Variants in YEATS4 observed in about 807,000 individuals in gnomAD.
The protein encoded by YEATS4 is YEATS domain containing 4.
In YEATS4, 17 loss-of-function variants were observed where a neutral mutation model predicts 30.1. The ratio of observed to expected loss-of-function variants is 0.56; its 90% CI spans 0.39 to 0.85. The LOEUF (loss-of-function observed/expected upper bound fraction) is 0.85. Among genes scored for constraint, YEATS4 ranks in the 40% least tolerant of loss-of-function variants. YEATS4 has a pLI of 0.00. For synonymous variants in YEATS4, 85 were observed against 87.5 expected, an observed-to-expected ratio of 0.97 and a Z score of 0.16; for missense variants, 142 against 268.3, an observed-to-expected ratio of 0.53 and a Z score of 3.29.
At chr12:69,401,684 A>G in the YEATS4 span, among the ~76,000 whole-genome samples, 1 of 152,222 alleles carries the variant, frequency 6.6e-6, no homozygotes, top group African/African-American at 2.4e-5. Context: ...CTGGAAATTA[A>G]AAGTAAATTT....
chr12:69,369,536 G>A (rs1875564282), intron 4 of YEATS4, among the ~76,000 whole-genome samples: 2 of 152,178 alleles, frequency 1.3e-5, no homozygotes, highest in Admixed American at 6.5e-5. Flanking sequence ...ATACTTGCCA[G>A]TTCTGAGCTT....
intron 2 of YEATS4, among the ~76,000 whole-genome samples, chr12:69,364,780 G>C (rs781045357): frequency 2.6e-5 from 4 of 151,952 alleles, no homozygotes; most frequent in Non-Finnish European, 4.4e-5. Flanking sequence ...CACCATGCTT[G>C]GCTAATTTTT....
intron 2 of YEATS4, 80 bp from the exon 3 acceptor site, chr12:69,365,553 C>A: frequency 3.2e-6 from 3 of 933,002 alleles, no homozygotes; most frequent in South Asian, 1.7e-5. Context: ...TTTTATAAAA[C>A]TAAGTATATA....
intron 6 of YEATS4, among the ~76,000 whole-genome samples, chr12:69,371,494 G>A (rs523278): frequency 6.6e-6 from 1 of 152,066 alleles, no homozygotes; most frequent in Admixed American, 6.5e-5. Flanking sequence ...AATTCTGTAC[G>A]CATTAATCTG....
the YEATS4 span, among the ~76,000 whole-genome samples, chr12:69,396,159 T>C: frequency 6.6e-6 from 1 of 152,238 alleles, no homozygotes; most frequent in African/African-American, 2.4e-5. Context: ...CATTGCTCTT[T>C]AGTAATTCCT....
At chr12:69,384,450 A>G (rs933122342) in intron 6 of YEATS4, among the ~76,000 whole-genome samples, 5 of 152,164 alleles carry the variant, frequency 3.3e-5, no homozygotes, top group Admixed American at 2.6e-4. Context: ...TTTCTGTGTG[A>G]TCTTTAGTTC....
intron 6 of YEATS4, among the ~76,000 whole-genome samples, chr12:69,379,709 G>T (rs1876000858): frequency 6.7e-6 from 1 of 148,542 alleles, no homozygotes; most frequent in Non-Finnish European, 1.5e-5. Flanking sequence ...CCAAAGTGCT[G>T]GGATCATAGG....
the YEATS4 span, among the ~76,000 whole-genome samples, chr12:69,408,843 C>T: frequency 6.6e-6 from 1 of 152,140 alleles, no homozygotes; most frequent in Non-Finnish European, 1.5e-5. Flanking sequence ...GTGTCAGGGG[C>T]CTTTTCCTGT....
rs983910804 is a variant in YEATS4, at chr12:69,374,412, T to C, written c.514+3437T>C. On this transcript the variant is annotated intron_variant, in intron 6 of 6. Coordinates refer to ENST00000247843, the MANE Select transcript of YEATS4 (RefSeq NM_006530.4). ...ATGAGATTACTTTCTTTTTTTTTATTTAATTTTTTAGTATTTATTGATCAT... is the reference window on the plus strand; with the variant it reads ...ATGAGATTACTTTCTTTTTTTTTATCTAATTTTTTAGTATTTATTGATCAT... 5.9e-5 allele frequency among the ~76,000 whole-genome samples: 9 copies of C among 152,312 alleles called. No individual in the cohort carries two copies. The East Asian group carries it at 1.5e-3, about 26-fold the overall frequency.
downstream of YEATS4, among the ~76,000 whole-genome samples, chr12:69,392,733 C>CTAT (rs1868325391): frequency 6.6e-6 from 1 of 152,150 alleles, no homozygotes; most frequent in Non-Finnish European, 1.5e-5. Context: ...GATTAAGGAA[C>CTAT]TATAGCTTGG....
At chr12:69,392,562 A>G (rs1000249939), downstream of YEATS4, among the ~76,000 whole-genome samples, 6 of 152,248 alleles carry the variant, frequency 3.9e-5, no homozygotes, top group Non-Finnish European at 8.8e-5. Context: ...TGGAAAGAGA[A>G]TATTTCCCAA....
In YEATS4 at chr12:69,369,709, ATAATT is replaced by A. The variant is rs1359116561; in HGVS notation, c.334-995_334-991del. Among the ~76,000 whole-genome samples, 12 of 152,326 alleles carry A rather than the reference ATAATT, an allele frequency of 7.9e-5. 1 individual carries two copies. In the East Asian group the frequency reaches 2.3e-3, roughly 29 times the overall value. On this transcript the variant is annotated intron_variant, in intron 4 of 6. Coordinates refer to ENST00000247843, the MANE Select transcript of YEATS4 (RefSeq NM_006530.4). ...AAATTTGTTAAATTATTTGCTTTAA[ATAATT>A]TGATATGTAATTCATGCTCTCTTAT...
At chr12:69,414,966 T>C in the YEATS4 span, among the ~76,000 whole-genome samples, 597 of 152,308 alleles carry the variant, frequency 3.9e-3, 3 homozygotes, top group African/African-American at 0.013. Flanking sequence ...CAATGTATTA[T>C]AGAGACTGGG....
At chr12:69,391,847 T>G (rs1030616863), downstream of YEATS4, among the ~76,000 whole-genome samples, 1 of 152,212 alleles carries the variant, frequency 6.6e-6, no homozygotes, top group African/African-American at 2.4e-5. Context: ...CAATCATTAT[T>G]CTAGTCAGCT....
intron 4 of YEATS4, among the ~76,000 whole-genome samples, chr12:69,368,600 G>A (rs1276951789): frequency 1.3e-5 from 2 of 152,092 alleles, no homozygotes; most frequent in Non-Finnish European, 2.9e-5. Flanking sequence ...TTAGTTTTCT[G>A]GTACCATAAA....
At chr12:69,416,491 T>A in the YEATS4 span, among the ~76,000 whole-genome samples, 2 of 152,080 alleles carry the variant, frequency 1.3e-5, no homozygotes, top group Non-Finnish European at 2.9e-5. Context: ...CAGAATGGTG[T>A]TTCTAAATGG....
chr12:69,390,104 CAT>C (rs752759379), intron 6 of YEATS4, 41 bp from the exon 7 acceptor site: 41 of 1,485,380 alleles, frequency 2.8e-5, no homozygotes, highest in Middle Eastern at 2.4e-4. Flanking sequence ...ATATCTTAAA[CAT>C]GTGAGAAAAA....
chr12:69,392,024 A>G (rs1244985929), downstream of YEATS4, among the ~76,000 whole-genome samples: 2 of 152,136 alleles, frequency 1.3e-5, no homozygotes, highest in African/African-American at 4.8e-5. Flanking sequence ...GTAGGATTTC[A>G]CTGTGACATT....
intron 1 of YEATS4, among the ~76,000 whole-genome samples, chr12:69,360,925 A>G (rs1355532063): frequency 1.3e-5 from 2 of 149,738 alleles, no homozygotes; most frequent in African/African-American, 4.9e-5. Context: ...GGGCCGGGCA[A>G]GGTGGCTCAC....
Sources: gnomAD v4.1 joint callset for allele counts (sites outside exome capture counted in the v4.1 genomes callset) on GRCh38, gnomAD v4.1.1 for gene constraint, MANE v1.5 for transcripts, NCBI Gene and HGNC (gene_info 2026-07-23, HGNC 2026-07-21) for gene names.